The following SH2D3C variants were observed in gnomAD, a reference collection of about 807,000 sequenced individuals.
SH2D3C encodes the protein SH2 domain-containing protein 3C.
Under a neutral mutation model 75.2 loss-of-function variants are expected in SH2D3C, and 25 were observed. That is an observed-to-expected ratio of 0.33 (90% CI 0.24 to 0.46). The LOEUF (loss-of-function observed/expected upper bound fraction) is 0.46. SH2D3C is among the 20% of genes least tolerant of loss of function. The pLI, the probability that SH2D3C is intolerant of heterozygous loss-of-function variation, is 1.00. For synonymous variants in SH2D3C, 450 were observed against 473.7 expected, an observed-to-expected ratio of 0.95 and a Z score of 0.65; for missense variants, 933 against 1,165.3, an observed-to-expected ratio of 0.80 and a Z score of 2.90.
chr9:127,742,053 G>A (rs929284897), intron 8 of SH2D3C, 94 bp from the exon 9 acceptor site: 8 of 1,254,252 alleles, frequency 6.4e-6, no homozygotes, highest in Non-Finnish European at 8.7e-6. Flanking sequence ...CGGGAGAGGC[G>A]GAGGGCGGAG....
At position 127,770,150 on chromosome 9, in the gene SH2D3C, T is replaced by G. The variant is rs144446224; in HGVS notation, c.515+3840A>C. Among the ~76,000 whole-genome samples, 323 of 152,186 alleles carry G rather than the reference T, an allele frequency of 2.1e-3. 3 individuals carry two copies. Among genetic ancestry groups the G allele is most frequent in the East Asian group, 7.9e-3 (41 of 5,180 alleles). ...GCAGGCTAGGCTGGTGCTTTCCTTT[T>G]TTAGCCAGGGGAGCTAAAGGTCCCT... On this transcript the variant is annotated intron_variant, in intron 2 of 11. Coordinates refer to ENST00000314830, the MANE Select transcript of SH2D3C (RefSeq NM_170600.3).
chr9:127,753,965 G>T lies in SH2D3C; in HGVS notation c.556-2665C>A, dbSNP rs545907905. On this transcript the variant is annotated intron_variant, in intron 3 of 11. Coordinates refer to ENST00000314830, the MANE Select transcript of SH2D3C (RefSeq NM_170600.3). ...GCCTCATCCGTTAAAGGGGCTGGGA[G>T]ACTGGGCTCCCCTTTTCCAGCTTAA... 2.6e-5 allele frequency among the ~76,000 whole-genome samples: 4 copies of T among 152,344 alleles called. No individual in the cohort carries two copies. The East Asian group carries it at 5.8e-4, about 22-fold the overall frequency.
At position 127,745,117 on chromosome 9, in the gene SH2D3C, G is replaced by A. The variant is rs770458749; in HGVS notation, c.1265-18C>T. 19 of 1,482,736 alleles carry A rather than the reference G, an allele frequency of 1.3e-5. No individual in the cohort carries two copies. The African/African-American group carries it at 2.5e-4, about 20-fold the overall frequency. 91.8% of individuals were successfully genotyped at this position (1,482,736 alleles called of 1,614,324 possible). Reference sequence around the variant, plus strand: ...ACGGGTTACTGCAGAAAGGTAGAGAGAGAGGCCCCGTTATAGCAGCTCCCC... The same window carrying A: ...ACGGGTTACTGCAGAAAGGTAGAGAAAGAGGCCCCGTTATAGCAGCTCCCC... On this transcript the variant is annotated intron_variant, in intron 6 of 11. Transcript: ENST00000314830.
chr9:127,758,842 C>T (rs1845457569), intron 3 of SH2D3C, among the ~76,000 whole-genome samples: 1 of 152,242 alleles, frequency 6.6e-6, no homozygotes, highest in Non-Finnish European at 1.5e-5. Flanking sequence ...AAAAGTCATC[C>T]CCTACCTCTG....
At chr9:127,757,349 C>A (rs1195257826) in intron 3 of SH2D3C, among the ~76,000 whole-genome samples, 2 of 150,558 alleles carry the variant, frequency 1.3e-5, no homozygotes, top group East Asian at 3.9e-4. Context: ...CAGCTCACTG[C>A]AGCATTGACC....
intron 3 of SH2D3C, among the ~76,000 whole-genome samples, chr9:127,757,808 C>A (rs1396549335): frequency 6.6e-6 from 1 of 151,940 alleles, no homozygotes; most frequent in Non-Finnish European, 1.5e-5. Flanking sequence ...AGTGTGCCAC[C>A]ACGCCTGGAT....
intron 3 of SH2D3C, among the ~76,000 whole-genome samples, chr9:127,753,627 C>A (rs1474659423): frequency 6.6e-6 from 1 of 152,158 alleles, no homozygotes; most frequent in Non-Finnish European, 1.5e-5. Context: ...CCAAGGGGTC[C>A]CCTACTTCTG....
chr9:127,755,124 C>T (rs1400664310), intron 3 of SH2D3C: 8 of 1,220,056 alleles, frequency 6.6e-6, no homozygotes, highest in Non-Finnish European at 7.2e-6. Context: ...AGGCGGCGGC[C>T]GACAGGGCAC....
chr9:127,769,766 C>A (rs972793611), intron 2 of SH2D3C, among the ~76,000 whole-genome samples: 2 of 152,070 alleles, frequency 1.3e-5, no homozygotes, highest in Non-Finnish European at 2.9e-5. Flanking sequence ...CTTAGTCAGG[C>A]CTGGGATCAA....
intron 2 of SH2D3C, chr9:127,762,399 A>G (rs1845550933): frequency 9.2e-7 from 1 of 1,083,712 alleles, no homozygotes; most frequent in Non-Finnish European, 1.3e-6. Context: ...TACCTCCTGG[A>G]CGCCTCCCCT....
Position 127,754,652 on chromosome 9 carries a change from T to C in SH2D3C, c.556-3352A>G, listed in dbSNP as rs1465986509. On this transcript the variant is annotated intron_variant, in intron 3 of 11. Coordinates refer to ENST00000314830, the MANE Select transcript of SH2D3C (RefSeq NM_170600.3). This position sits in a 1 kb window ranked among gnomAD's most constrained non-coding sequence, Gnocchi z 4.4. ...TGGCATCCGAAGCATCCCCCGCGTT[T>C]CCTGCTCCTCACTCAGTCTTCAGAT... Among the ~76,000 whole-genome samples the C allele has an allele frequency of 6.6e-6, 1 of 152,106 alleles. No homozygotes were observed. Among genetic ancestry groups the C allele is most frequent in the Non-Finnish European group, 1.5e-5 (1 of 67,988 alleles).
At chr9:127,759,661 C>G (rs1443827577) in intron 3 of SH2D3C, among the ~76,000 whole-genome samples, 1 of 152,004 alleles carries the variant, frequency 6.6e-6, no homozygotes, top group African/African-American at 2.4e-5. Flanking sequence ...CCAGCCTGGG[C>G]AACACAGTGA....
chr9:127,762,234 A>T, intron 2 of SH2D3C: 3 of 1,205,644 alleles, frequency 2.5e-6, no homozygotes, highest in Non-Finnish European at 3.2e-6. Context: ...CAGGGTGGAG[A>T]GCCTGGAGAG....
chr9:127,744,918 T>C lies in SH2D3C; in HGVS notation c.1446A>G (p.Pro482=). 6.2e-7 allele frequency: 1 copy of C among 1,603,594 alleles called. No individual in the cohort carries two copies. The highest frequency in any genetic ancestry group is 1.7e-5 in the Admixed American group (1 of 59,404). The change falls in exon 7 of 12, where the codon CCA becomes CCG. Residue 482 remains proline (P), a synonymous_variant. Transcript: ENST00000314830. ...CCGGGTCACTGTAGCTGCTGAGTGA[T>C]GGTGACGGGGAGGCCTTGCCAAGGG... ...SHTLGKASPS[P]SLSSYSDPDS...
chr9:127,743,393 C>G (rs578030947), intron 7 of SH2D3C, among the ~76,000 whole-genome samples: 193 of 152,288 alleles, frequency 1.3e-3, no homozygotes, highest in Non-Finnish European at 1.8e-3. Context: ...GTCCCAGCTA[C>G]TCGGGAGGTT....
At chr9:127,755,363 T>G in intron 3 of SH2D3C, 62 of 395,616 alleles carry the variant, frequency 1.6e-4, no homozygotes, top group Middle Eastern at 8.0e-4. Context: ...GGGGCCATTG[T>G]TCCTCCCTCC....
Position 127,774,729 on chromosome 9 carries a change from A to C in SH2D3C, c.38-262T>G, listed in dbSNP as rs1255667283. On this transcript the variant is annotated intron_variant, in intron 1 of 11. Transcript: ENST00000314830. The surrounding 1 kb of genome is among the most constrained non-coding windows in gnomAD (Gnocchi z 4.3). Reference sequence around the variant, plus strand: ...CAAGTCACTTGACCTCTCTAAGCTTAGCCTCATTCTCCACATCAGTAAAAT... The same window carrying C: ...CAAGTCACTTGACCTCTCTAAGCTTCGCCTCATTCTCCACATCAGTAAAAT... 6.6e-6 allele frequency among the ~76,000 whole-genome samples: 1 copy of C among 152,166 alleles called. No homozygotes were observed. The highest frequency in any genetic ancestry group is 2.4e-5 in the African/African-American group (1 of 41,442).
rs567180627 is a variant in SH2D3C at position 127,774,912 on chromosome 9, A to T, written c.38-445T>A. Among the ~76,000 whole-genome samples the T allele has an allele frequency of 1.1e-3, 170 of 152,138 alleles. 1 individual carries two copies. The highest frequency in any genetic ancestry group is 3.7e-3 in the African/African-American group (153 of 41,502). ...CGAGACCAGCCTGGACAACATGATG[A>T]AACCCCTTCTCTACTAACAATACAA... On this transcript the variant is annotated intron_variant, in intron 1 of 11. Coordinates refer to ENST00000314830, the MANE Select transcript of SH2D3C (RefSeq NM_170600.3). This position sits in a 1 kb window ranked among gnomAD's most constrained non-coding sequence, Gnocchi z 4.3.
At chr9:127,748,184 A>G (rs1845089868) in intron 5 of SH2D3C, among the ~76,000 whole-genome samples, 1 of 152,264 alleles carries the variant, frequency 6.6e-6, no homozygotes, top group South Asian at 2.1e-4. Flanking sequence ...GCTAGCAGGA[A>G]GAGTAGTGAG....
Sources: gnomAD v4.1 joint callset for allele counts (sites outside exome capture counted in the v4.1 genomes callset) on GRCh38, gnomAD v4.1.1 for gene constraint, Gnocchi (gnomAD v3.1) non-coding constraint, MANE v1.5 for transcripts, NCBI Gene and HGNC (gene_info 2026-07-23, HGNC 2026-07-21) for gene names.